The following MEOX2 variants were observed in gnomAD, a reference collection of about 807,000 sequenced individuals.
The protein encoded by MEOX2 is homeobox protein MOX-2.
MEOX2 carries 11 observed loss-of-function variants against 27.0 expected under a neutral mutation model. The ratio of observed to expected loss-of-function variants is 0.41; its 90% CI spans 0.26 to 0.68. The LOEUF is 0.68. Among genes scored for constraint, MEOX2 ranks in the 30% least tolerant of loss-of-function variants. The pLI is 0.33. For synonymous variants in MEOX2, 189 were observed against 155.4 expected (o/e 1.22, Z -1.61); for missense variants, 436 against 385.4 (o/e 1.13, Z -1.10).
chr7:15,614,036 A>G (rs1196079458), intron 2 of MEOX2, among the ~76,000 whole-genome samples: 1 of 135,238 alleles, frequency 7.4e-6, no homozygotes, highest in East Asian at 2.1e-4. Flanking sequence ...ATTAATTAAT[A>G]TGTTTAAATT....
chr7:15,616,226 A>G (rs943010545), intron 2 of MEOX2, among the ~76,000 whole-genome samples: 2 of 151,824 alleles, frequency 1.3e-5, no homozygotes, highest in Admixed American at 6.6e-5. Flanking sequence ...TATATTTGAT[A>G]CTGAAATTCT....
intron 1 of MEOX2, among the ~76,000 whole-genome samples, chr7:15,630,906 T>C (rs1781390564): frequency 6.6e-6 from 1 of 151,972 alleles, no homozygotes; most frequent in African/African-American, 2.4e-5. Flanking sequence ...GTGTTTCTTC[T>C]TTTTTCAAAG....
Position 15,686,286 on chromosome 7 carries a change from G to T in MEOX2, c.117C>A (p.Pro39=). Residue 39 remains proline, a synonymous_variant, in exon 1 of 3, where the codon CCC becomes CCA. Transcript: ENST00000262041. ...LHGRSDHMSY[P]ELSTSSSSCI... ...AAGATGAGGAAGAAGTAGAGAGCTC[G>T]GGGTAAGACATATGGTCAGATCTTC... 6.2e-7 allele frequency: 1 copy of T among 1,612,212 alleles called. No individual in the cohort carries two copies. The highest frequency in any genetic ancestry group is 8.5e-7 in the Non-Finnish European group (1 of 1,179,142).
At chr7:15,637,814 T>G (rs576056502) in intron 1 of MEOX2, among the ~76,000 whole-genome samples, 15 of 152,144 alleles carry the variant, frequency 9.9e-5, no homozygotes, top group African/African-American at 2.6e-4. Context: ...TGAGGCTGGT[T>G]TTTGAAATTC....
At position 15,627,073 on chromosome 7, in the gene MEOX2, G is replaced by C. The variant is rs569686467; in HGVS notation, c.518-155C>G. Among the ~76,000 whole-genome samples the C allele has an allele frequency of 2.6e-5, 4 of 151,932 alleles. No individual in the cohort carries two copies. In the East Asian group the frequency reaches 7.7e-4, roughly 29 times the overall value. On this transcript the variant is annotated intron_variant, in intron 1 of 2. Coordinates refer to ENST00000262041, the MANE Select transcript of MEOX2 (RefSeq NM_005924.5). ...ACAGCAAGACTGACGGCAGCTCAAC[G>C]GGGGGAGATATAATTCTTATTTTTT...
intron 2 of MEOX2, among the ~76,000 whole-genome samples, chr7:15,623,250 T>C (rs906544883): frequency 1.3e-5 from 2 of 152,234 alleles, no homozygotes; most frequent in South Asian, 2.1e-4. Flanking sequence ...ATATGCCATC[T>C]GACCTTCAAG....
intron 1 of MEOX2, among the ~76,000 whole-genome samples, chr7:15,641,209 G>T (rs1001620935): frequency 6.6e-6 from 1 of 151,988 alleles, no homozygotes; most frequent in Non-Finnish European, 1.5e-5. Context: ...CTCATTATTT[G>T]TCTGTTCAGA....
chr7:15,644,483 G>A (rs1174576810), intron 1 of MEOX2, among the ~76,000 whole-genome samples: 1 of 152,146 alleles, frequency 6.6e-6, no homozygotes, highest in Non-Finnish European at 1.5e-5. Flanking sequence ...AACAGAGGAG[G>A]ATGGAGAAGA....
At chr7:15,676,061 C>T (rs937482446) in intron 1 of MEOX2, 2 of 152,148 alleles carry the variant, frequency 1.3e-5, no homozygotes, top group African/African-American at 4.8e-5. Flanking sequence ...TAAAATTTCG[C>T]TGAAGTCATG....
chr7:15,648,248 C>T (rs990533014), intron 1 of MEOX2, among the ~76,000 whole-genome samples: 17 of 151,956 alleles, frequency 1.1e-4, no homozygotes, highest in Non-Finnish European at 2.2e-4. Context: ...TAAAACACAG[C>T]TATTTAAAGA....
intron 1 of MEOX2, chr7:15,667,902 G>T (rs1389954535): frequency 6.6e-6 from 1 of 152,214 alleles, no homozygotes; most frequent in East Asian, 1.9e-4. Context: ...CATTGTGTGT[G>T]TGCCTCTTGT....
chr7:15,645,540 T>A (rs1211499447), intron 1 of MEOX2, among the ~76,000 whole-genome samples: 1 of 152,204 alleles, frequency 6.6e-6, no homozygotes, highest in African/African-American at 2.4e-5. Context: ...AATTATTTTT[T>A]ATTGAAAATA....
chr7:15,665,519 G>T (rs1346923459), intron 1 of MEOX2, among the ~76,000 whole-genome samples: 1 of 152,258 alleles, frequency 6.6e-6, no homozygotes, highest in East Asian at 1.9e-4. Flanking sequence ...TTAATGTTAA[G>T]TTGAATTTTC....
chr7:15,663,029 T>C (rs1273020714), intron 1 of MEOX2, among the ~76,000 whole-genome samples: 1 of 152,136 alleles, frequency 6.6e-6, no homozygotes, highest in Non-Finnish European at 1.5e-5. Flanking sequence ...TGAAATATAC[T>C]AACATAGTGG....
At chr7:15,620,313 A>G (rs1156631930) in intron 2 of MEOX2, among the ~76,000 whole-genome samples, 1 of 152,206 alleles carries the variant, frequency 6.6e-6, no homozygotes, top group Non-Finnish European at 1.5e-5. Flanking sequence ...AATTAACATG[A>G]ATAGACAATA....
At chr7:15,650,239 T>C (rs1211062148) in intron 1 of MEOX2, among the ~76,000 whole-genome samples, 1 of 152,078 alleles carries the variant, frequency 6.6e-6, no homozygotes, top group Non-Finnish European at 1.5e-5. Context: ...ATTTTCCCAA[T>C]TGTGGGCTCA....
chr7:15,669,914 C>G (rs1782069094), intron 1 of MEOX2, among the ~76,000 whole-genome samples: 1 of 152,176 alleles, frequency 6.6e-6, no homozygotes, highest in Non-Finnish European at 1.5e-5. Flanking sequence ...AGTTTTCATA[C>G]TTTCCCCCTG....
At chr7:15,680,922 T>A (rs1003817697) in intron 1 of MEOX2, 3 of 151,752 alleles carry the variant, frequency 2.0e-5, no homozygotes, top group Non-Finnish European at 4.4e-5. Context: ...GGAAATACAA[T>A]GTAACTGGCC....
intron 1 of MEOX2, among the ~76,000 whole-genome samples, chr7:15,673,753 T>C (rs1276207871): frequency 6.6e-5 from 10 of 152,066 alleles, no homozygotes; most frequent in African/African-American, 2.2e-4. Context: ...TCTGAGGAGA[T>C]TCGATAGTAA....
Sources: gnomAD v4.1 joint callset for allele counts (sites outside exome capture counted in the v4.1 genomes callset) on GRCh38, gnomAD v4.1.1 for gene constraint, MANE v1.5 for transcripts, NCBI Gene and HGNC (gene_info 2026-07-23, HGNC 2026-07-21) for gene names.